The following SPINT2 variants were observed in gnomAD, a reference collection of about 807,000 sequenced individuals.
The protein encoded by SPINT2 is kunitz-type protease inhibitor 2.
SPINT2 carries 18 observed loss-of-function variants against 30.1 expected under a neutral mutation model. The ratio of observed to expected loss-of-function variants is 0.60; its 90% CI spans 0.41 to 0.89. SPINT2 has a LOEUF of 0.89. SPINT2 is among the 40% of genes least tolerant of loss of function. SPINT2 has a pLI of 0.00. For missense variants in SPINT2, 276 were observed against 334.3 expected, an observed-to-expected ratio of 0.83 and a Z score of 1.36; for synonymous variants, 139 against 137.9, an observed-to-expected ratio of 1.01 and a Z score of -0.05.
chr19:38,273,470 C>T (rs1465452084), intron 1 of SPINT2, among the ~76,000 whole-genome samples: 1 of 151,868 alleles, frequency 6.6e-6, no homozygotes, highest in Non-Finnish European at 1.5e-5. Flanking sequence ...GAGTGCTGGG[C>T]TTACAGGCAT....
intron 1 of SPINT2, among the ~76,000 whole-genome samples, chr19:38,266,899 C>T (rs1003542015): frequency 4.6e-5 from 7 of 152,196 alleles, no homozygotes; most frequent in East Asian, 1.9e-4. Context: ...TAAGTAATTA[C>T]GTTAGGATGT....
intron 3 of SPINT2, 27 bp from the exon 4 acceptor site, chr19:38,289,111 T>G: frequency 6.2e-7 from 1 of 1,612,474 alleles, no homozygotes; most frequent in Non-Finnish European, 8.5e-7. Flanking sequence ...CGGCCCAGCC[T>G]CCCTAACACA....
At chr19:38,291,779 C>A in intron 6 of SPINT2, 61 bp from the exon 7 acceptor site, 1 of 1,585,126 alleles carries the variant, frequency 6.3e-7, no homozygotes, top group Non-Finnish European at 8.6e-7. Flanking sequence ...CCTTGGTGAG[C>A]GCCACTCTGG....
At chr19:38,279,365 C>G (rs554945897) in intron 1 of SPINT2, among the ~76,000 whole-genome samples, 2 of 151,852 alleles carry the variant, frequency 1.3e-5, no homozygotes, top group African/African-American at 4.8e-5. Flanking sequence ...GGTGTGATGG[C>G]GCAGTCCTAT....
At chr19:38,286,042 G>A (rs1385277264) in intron 2 of SPINT2, among the ~76,000 whole-genome samples, 6 of 152,108 alleles carry the variant, frequency 3.9e-5, no homozygotes, top group South Asian at 2.1e-4. Flanking sequence ...GTCCGGCCCC[G>A]CCTTGCAGGT....
At chr19:38,288,984 G>A (rs1451333124) in intron 3 of SPINT2, 154 bp from the exon 4 acceptor site, 1 of 715,536 alleles carries the variant, frequency 1.4e-6, no homozygotes. Flanking sequence ...CATTAGGGCT[G>A]GGGTGACGTG....
chr19:38,276,423 T>TA (rs1212579367), intron 1 of SPINT2, among the ~76,000 whole-genome samples: 1 of 151,978 alleles, frequency 6.6e-6, no homozygotes, highest in Non-Finnish European at 1.5e-5. Context: ...CGGGTGGACT[T>TA]ACAAGGTCAG....
chr19:38,275,092 G>A (rs781656194), intron 1 of SPINT2, among the ~76,000 whole-genome samples: 9 of 152,142 alleles, frequency 5.9e-5, no homozygotes, highest in Non-Finnish European at 1.2e-4. Context: ...AAAAGTGTTT[G>A]GCAATTGCTG....
intron 2 of SPINT2, among the ~76,000 whole-genome samples, chr19:38,285,731 T>C (rs1968633129): frequency 6.6e-6 from 1 of 152,210 alleles, no homozygotes; most frequent in African/African-American, 2.4e-5. Flanking sequence ...CCCCCTAACA[T>C]GTTTTTTTGA....
In SPINT2 at chr19:38,290,447, C is replaced by T. The variant is rs942661865; in HGVS notation, c.554-90C>T. ...GAAGAAAGCCCCTCAGAAAGAGCTC[C>T]CCATGGAGGCCCTGGCTGAGGGGAT... On this transcript the variant is annotated intron_variant, in intron 5 of 6. Coordinates refer to ENST00000301244, the MANE Select transcript of SPINT2 (RefSeq NM_021102.4). This position sits in a 1 kb window ranked among gnomAD's most constrained non-coding sequence, Gnocchi z 4.3. 6.0e-5 allele frequency: 96 copies of T among 1,608,894 alleles called. No homozygotes were observed. Among genetic ancestry groups the T allele is most frequent in the Admixed American group, 4.3e-4 (26 of 59,844 alleles).
chr19:38,283,504 C>A, intron 1 of SPINT2, 123 bp from the exon 2 acceptor site: 1 of 1,251,708 alleles, frequency 8.0e-7, no homozygotes, highest in Non-Finnish European at 1.2e-6. Context: ...GGAAACAGCT[C>A]ACAGGGGAAC....
At chr19:38,267,655 G>T (rs1425659495) in intron 1 of SPINT2, among the ~76,000 whole-genome samples, 1 of 151,804 alleles carries the variant, frequency 6.6e-6, no homozygotes, top group Non-Finnish European at 1.5e-5. Context: ...GAAGCGGGGG[G>T]GCGAGGGTGG....
Position 38,264,786 on chromosome 19 carries a change from T to G in SPINT2, c.-107T>G. Reference sequence around the variant, plus strand: ...CGGACCCTCCCGGAGCGTCGGCACCTGAACGCGAGGCGCTCCATTGCGCGT... The same window carrying G: ...CGGACCCTCCCGGAGCGTCGGCACCGGAACGCGAGGCGCTCCATTGCGCGT... On this transcript the variant is annotated 5_prime_UTR_variant, in exon 1 of 7. Transcript: ENST00000301244. 1 of 1,254,020 alleles carries G rather than the reference T, an allele frequency of 8.0e-7. No homozygotes were observed. The highest frequency in any genetic ancestry group is 1.3e-5 in the South Asian group (1 of 74,994). The allele number at this position is 1,254,020 out of a possible 1,614,324, so 77.7% of individuals were successfully genotyped here. A position where few individuals can be genotyped will look rare whatever the true frequency, so the allele number is the denominator to read the frequency against.
At chr19:38,285,281 T>G (rs1462084735) in intron 2 of SPINT2, among the ~76,000 whole-genome samples, 2 of 152,180 alleles carry the variant, frequency 1.3e-5, no homozygotes, top group East Asian at 3.8e-4. Flanking sequence ...CATTGGCCCT[T>G]TGGGGCTGCT....
At chr19:38,278,237 G>C (rs933636284) in intron 1 of SPINT2, among the ~76,000 whole-genome samples, 5 of 152,080 alleles carry the variant, frequency 3.3e-5, no homozygotes, top group African/African-American at 1.2e-4. Context: ...TTGTGATAAA[G>C]ACCCTGAGGA....
chr19:38,270,661 A>G (rs1036151901), intron 1 of SPINT2, among the ~76,000 whole-genome samples: 1 of 152,196 alleles, frequency 6.6e-6, no homozygotes, highest in Non-Finnish European at 1.5e-5. Context: ...CACTGGAAAC[A>G]TTGCTTTGCC....
At chr19:38,283,904 C>T (rs1356751989) in intron 2 of SPINT2, 107 bp downstream of exon 2, 23 of 1,316,546 alleles carry the variant, frequency 1.7e-5, no homozygotes, top group Admixed American at 5.1e-5. Context: ...TGCAGTGGCG[C>T]GATCTTGGCT....
At chr19:38,266,264 CCTAGGG>C (rs1269069426) in intron 1 of SPINT2, among the ~76,000 whole-genome samples, 1 of 152,028 alleles carries the variant, frequency 6.6e-6, no homozygotes, top group Non-Finnish European at 1.5e-5. Flanking sequence ...AGCCAGATGG[CCTAGGG>C]CTTTATAGAC....
intron 1 of SPINT2, chr19:38,265,610 T>C (rs1002533494): frequency 6.6e-6 from 1 of 152,226 alleles, no homozygotes; most frequent in African/African-American, 2.4e-5. Context: ...GGTGTTGGGG[T>C]CTTTGGATTG....
Sources: gnomAD v4.1 joint callset for allele counts (sites outside exome capture counted in the v4.1 genomes callset) on GRCh38, gnomAD v4.1.1 for gene constraint, Gnocchi (gnomAD v3.1) non-coding constraint, MANE v1.5 for transcripts, NCBI Gene and HGNC (gene_info 2026-07-23, HGNC 2026-07-21) for gene names.